Variants in EML4 observed in about 807,000 individuals in gnomAD.
The protein encoded by EML4 is echinoderm microtubule-associated protein-like 4.
Under a neutral mutation model 129.0 loss-of-function variants are expected in EML4, and 72 were observed. That is an observed-to-expected ratio of 0.56 (90% CI 0.46 to 0.68). The LOEUF is 0.68. Among genes scored for constraint, EML4 ranks in the 30% least tolerant of loss-of-function variants. The pLI is 0.00. For missense variants in EML4, 1,363 were observed against 1,190.6 expected (o/e 1.14, Z -2.13); for synonymous variants, 532 against 405.0 (o/e 1.31, Z -3.77).
intron 1 of EML4, among the ~76,000 whole-genome samples, chr2:42,189,785 C>T (rs193135513): frequency 4.6e-5 from 7 of 152,078 alleles, no homozygotes; most frequent in East Asian, 3.9e-4. Flanking sequence ...TTCCACTATA[C>T]GATACTTTTT....
At chr2:42,230,053 G>A (rs1053979647) in intron 1 of EML4, among the ~76,000 whole-genome samples, 1 of 151,956 alleles carries the variant, frequency 6.6e-6, no homozygotes, top group Non-Finnish European at 1.5e-5. Context: ...TCAGCTACAC[G>A]AAACTTCTAA....
At chr2:42,293,422 A>G (rs915756559) in intron 11 of EML4, among the ~76,000 whole-genome samples, 1 of 152,146 alleles carries the variant, frequency 6.6e-6, no homozygotes, top group African/African-American at 2.4e-5. Flanking sequence ...TTATTAGTTG[A>G]ATTTTATTTA....
chr2:42,303,532 G>A (rs1668416304), intron 16 of EML4, 86 bp downstream of exon 16: 1 of 1,440,880 alleles, frequency 6.9e-7, no homozygotes, highest in South Asian at 1.2e-5. Context: ...AAAGGACTAA[G>A]TGTTGATTCA....
At chr2:42,243,148 C>T (rs758633793) in intron 1 of EML4, among the ~76,000 whole-genome samples, 2 of 151,846 alleles carry the variant, frequency 1.3e-5, no homozygotes, top group Admixed American at 6.6e-5. Flanking sequence ...TAGTATGGGG[C>T]GCAGAGGGTA....
At position 42,263,289 on chromosome 2, in the gene EML4, T is replaced by C; in HGVS notation, c.624T>C (p.Val208=). 2.5e-6 allele frequency: 4 copies of C among 1,611,794 alleles called. No homozygotes were observed. Among genetic ancestry groups the C allele is most frequent in the Non-Finnish European group, 3.4e-6 (4 of 1,179,310 alleles). The change falls in exon 5 of 23, where the codon GTT becomes GTC. Residue 208 remains valine (V), a synonymous_variant. Transcript: ENST00000318522. ...CAACACCCAAATTAATACCAAAAGT[T>C]ACCAAAACTGCAGACAAGTAAGTAT... is the stretch of plus-strand genomic sequence containing the variant. ...IPSTPKLIPK[V]TKTADKHKDV...
intron 1 of EML4, among the ~76,000 whole-genome samples, chr2:42,243,046 A>G (rs979839773): frequency 2.0e-5 from 3 of 152,068 alleles, no homozygotes; most frequent in Non-Finnish European, 2.9e-5. Flanking sequence ...CCTAAGTGCT[A>G]GGATTACAGT....
intron 17 of EML4, among the ~76,000 whole-genome samples, chr2:42,310,188 T>G (rs1373800400): frequency 1.3e-5 from 2 of 152,210 alleles, no homozygotes; most frequent in African/African-American, 4.8e-5. Context: ...TCCATAAATA[T>G]GTATATATAT....
At chr2:42,304,979 C>T (rs1193324299) in intron 17 of EML4, among the ~76,000 whole-genome samples, 4 of 152,050 alleles carry the variant, frequency 2.6e-5, no homozygotes, top group Non-Finnish European at 4.4e-5. Context: ...ATTAGCCAGG[C>T]GCAGTGGCAC....
At chr2:42,284,022 G>A (rs1030188636) in intron 8 of EML4, among the ~76,000 whole-genome samples, 2 of 152,156 alleles carry the variant, frequency 1.3e-5, no homozygotes, top group Non-Finnish European at 2.9e-5. Flanking sequence ...ACTCATATAC[G>A]TGCTGTGAGT....
chr2:42,322,618 C>G (rs955911393), intron 19 of EML4, among the ~76,000 whole-genome samples: 1 of 152,210 alleles, frequency 6.6e-6, no homozygotes, highest in Non-Finnish European at 1.5e-5. Context: ...TGTGGTAACG[C>G]CATATGGCTA....
At chr2:42,180,614 A>G (rs893898704) in intron 1 of EML4, among the ~76,000 whole-genome samples, 1 of 152,134 alleles carries the variant, frequency 6.6e-6, no homozygotes, top group Non-Finnish European at 1.5e-5. Context: ...TTACACTATA[A>G]CAATTTGAGA....
At position 42,282,873 on chromosome 2, in the gene EML4, C is replaced by T; in HGVS notation, c.842C>T (p.Thr281Ile). Reference sequence around the variant, plus strand: ...AGAGCTAATGTTTACCTTCTTCCGACCGGGAAAATAGTTTATTTCATTGCA... The same window carrying T: ...AGAGCTAATGTTTACCTTCTTCCGATCGGGAAAATAGTTTATTTCATTGCA... ...DCRANVYLLPTGKIVYFIASV... is the reference protein window; with the variant it reads ...DCRANVYLLPIGKIVYFIASV... Residue 281 changes from threonine to isoleucine, a missense_variant, in exon 8 of 23, where the codon ACC becomes ATC. Physicochemically the swap from Thr to Ile is moderately conservative, Grantham distance 89. Coordinates refer to ENST00000318522, the MANE Select transcript of EML4 (RefSeq NM_019063.5). 1 of 1,612,684 alleles carries T rather than the reference C, an allele frequency of 6.2e-7. No individual in the cohort carries two copies. Among genetic ancestry groups the T allele is most frequent in the Non-Finnish European group, 8.5e-7 (1 of 1,178,840 alleles).
At position 42,288,340 on chromosome 2, in the gene EML4, C is replaced by T. The variant is rs373823849; in HGVS notation, c.1218+18C>T. ...AAATAAAGGTAAATTTTTAAAAAAC[C>T]GAGTATTGTGTTTTAGAGTACGTTA... On this transcript the variant is annotated intron_variant, in intron 11 of 22. Coordinates refer to ENST00000318522, the MANE Select transcript of EML4 (RefSeq NM_019063.5). 201 of 1,281,134 alleles carry T rather than the reference C, an allele frequency of 1.6e-4. No individual in the cohort carries two copies. Among genetic ancestry groups the T allele is most frequent in the South Asian group, 4.6e-4 (37 of 81,122 alleles). The allele number at this position is 1,281,134 out of a possible 1,614,324, so 79.4% of individuals were successfully genotyped here. A position where few individuals can be genotyped will look rare whatever the true frequency, so the allele number is the denominator to read the frequency against.
At chr2:42,196,556 C>G (rs1289187930) in intron 1 of EML4, among the ~76,000 whole-genome samples, 7 of 152,202 alleles carry the variant, frequency 4.6e-5, no homozygotes. Context: ...AGAGTTCCGT[C>G]TGCCATGTCT....
At chr2:42,236,713 T>A (rs899756420) in intron 1 of EML4, among the ~76,000 whole-genome samples, 1 of 152,200 alleles carries the variant, frequency 6.6e-6, no homozygotes, top group Admixed American at 6.5e-5. Context: ...GTCTTCAGTT[T>A]TACTAGATAT....
At chr2:42,280,717 A>G (rs1038641310) in intron 6 of EML4, 133 bp from the exon 7 acceptor site, 7 of 659,422 alleles carry the variant, frequency 1.1e-5, no homozygotes, top group East Asian at 2.8e-5. Flanking sequence ...AACAAAAACA[A>G]TTGTATATAA....
chr2:42,266,998 A>G (rs1008767999), intron 6 of EML4, among the ~76,000 whole-genome samples: 2 of 152,218 alleles, frequency 1.3e-5, no homozygotes, highest in African/African-American at 4.8e-5. Context: ...GTAGAGATGT[A>G]TAGCAAACAA....
At chr2:42,254,660 A>G (rs1275947567) in intron 2 of EML4, among the ~76,000 whole-genome samples, 2 of 152,014 alleles carry the variant, frequency 1.3e-5, no homozygotes, top group Non-Finnish European at 2.9e-5. Flanking sequence ...TGTTGGCAAG[A>G]ATATGGTGAC....
intron 17 of EML4, among the ~76,000 whole-genome samples, chr2:42,314,917 T>C (rs990266554): frequency 2.6e-5 from 4 of 152,220 alleles, no homozygotes; most frequent in African/African-American, 9.7e-5. Context: ...ATTTAAGTCG[T>C]TGTTTTACGT....
Sources: gnomAD v4.1 joint callset for allele counts (sites outside exome capture counted in the v4.1 genomes callset) on GRCh38, gnomAD v4.1.1 for gene constraint, MANE v1.5 for transcripts, NCBI Gene and HGNC (gene_info 2026-07-23, HGNC 2026-07-21) for gene names.